The following OPCML variants were observed in gnomAD, a reference collection of about 807,000 sequenced individuals.
OPCML encodes the protein opioid-binding protein/cell adhesion molecule.
OPCML carries 13 observed loss-of-function variants against 37.8 expected under a neutral mutation model. The observed-to-expected ratio is 0.34, with a 90% CI of 0.22 to 0.55. OPCML has a LOEUF of 0.55. Ranked by LOEUF, OPCML falls within the 20% of genes least tolerant of loss-of-function variation. The pLI, the probability that OPCML is intolerant of heterozygous loss-of-function variation, is 0.91. For synonymous variants in OPCML, 176 were observed against 168.8 expected (o/e 1.04, Z -0.33); for missense variants, 341 against 435.6 (o/e 0.78, Z 1.93).
In OPCML at chr11:132,558,512, G is replaced by A. The variant is rs1241833241; in HGVS notation, c.380-29326C>T. On this transcript the variant is annotated intron_variant, in intron 3 of 7. Coordinates refer to ENST00000524381, the MANE Select transcript of OPCML (RefSeq NM_001012393.5). ...CCTCCTCCCCTCCTCCCCCCGCCCC[G>A]TTTTCTTCTTCTCTTCTTCTTCGTC... Among the ~76,000 whole-genome samples, 82 of 86,034 alleles carry A rather than the reference G, an allele frequency of 9.5e-4. 1 individual carries two copies. Among genetic ancestry groups the A allele is most frequent in the Non-Finnish European group, 1.6e-3 (75 of 46,366 alleles). 56.4% of individuals were successfully genotyped at this position (86,034 alleles called of 152,430 possible).
At chr11:133,028,493 T>C (rs185245520) in intron 1 of OPCML, among the ~76,000 whole-genome samples, 16 of 151,688 alleles carry the variant, frequency 1.1e-4, no homozygotes, top group African/African-American at 3.4e-4. Context: ...GTTTATTACA[T>C]GCACAAAGGT....
At chr11:133,084,711 C>A (rs1948793264) in intron 1 of OPCML, among the ~76,000 whole-genome samples, 1 of 152,172 alleles carries the variant, frequency 6.6e-6, no homozygotes, top group Admixed American at 6.5e-5. Context: ...CATGGGGTCT[C>A]CATGTCCTTC....
At chr11:133,191,464 G>T (rs1938309425) in intron 1 of OPCML, among the ~76,000 whole-genome samples, 1 of 151,878 alleles carries the variant, frequency 6.6e-6, no homozygotes, top group African/African-American at 2.4e-5. Context: ...CTACCTAAGA[G>T]TGAAAGTATT....
At chr11:132,694,580 G>T (rs1555175603) in intron 2 of OPCML, among the ~76,000 whole-genome samples, 1 of 152,176 alleles carries the variant, frequency 6.6e-6, no homozygotes, top group Non-Finnish European at 1.5e-5. Flanking sequence ...TATAAAAAAT[G>T]AACAACAACT....
At chr11:133,146,690 A>T (rs1327928049) in intron 1 of OPCML, among the ~76,000 whole-genome samples, 1 of 151,210 alleles carries the variant, frequency 6.6e-6, no homozygotes, top group Non-Finnish European at 1.5e-5. Context: ...TGAACTCCTG[A>T]CCTCAGGTGA....
intron 4 of OPCML, among the ~76,000 whole-genome samples, chr11:132,485,983 C>G (rs1436153564): frequency 1.3e-5 from 2 of 152,184 alleles, no homozygotes; most frequent in African/African-American, 2.4e-5. Context: ...AAAGTGCTCA[C>G]CCTGTTTTAA....
intron 1 of OPCML, among the ~76,000 whole-genome samples, chr11:133,440,742 A>G (rs927679956): frequency 1.7e-4 from 25 of 148,456 alleles, no homozygotes; most frequent in Non-Finnish European, 3.3e-4. Context: ...AAAAAAAAAA[A>G]AAACAGAAAC....
At chr11:132,555,365 A>C (rs1334983824) in intron 3 of OPCML, among the ~76,000 whole-genome samples, 4 of 152,128 alleles carry the variant, frequency 2.6e-5, no homozygotes, top group African/African-American at 9.7e-5. Flanking sequence ...GAAGCAGATG[A>C]GAGAGAATGA....
Position 132,594,208 on chromosome 11 carries a change from T to A in OPCML, c.379+62879A>T, listed in dbSNP as rs1420288862. 2.0e-5 allele frequency among the ~76,000 whole-genome samples: 3 copies of A among 152,088 alleles called. No individual in the cohort carries two copies. The East Asian group carries it at 5.8e-4, about 29-fold the overall frequency. The stretch of plus-strand genomic sequence containing the variant: ...TTACCCTTGAGATAAAAAGGCAGGT[T>A]AAAAAGAAAATACATAAGGTCATAA... On this transcript the variant is annotated intron_variant, in intron 3 of 7. Transcript: ENST00000524381.
intron 2 of OPCML, among the ~76,000 whole-genome samples, chr11:132,720,492 C>T (rs1350246086): frequency 1.3e-5 from 2 of 152,236 alleles, no homozygotes; most frequent in Non-Finnish European, 2.9e-5. Context: ...CAGTTAAAAA[C>T]TGCATTTGCC....
At chr11:133,515,392 TGGCATCTGGTGGCTGGA>T (rs1948244274) in intron 1 of OPCML, among the ~76,000 whole-genome samples, 1 of 152,214 alleles carries the variant, frequency 6.6e-6, no homozygotes, top group Non-Finnish European at 1.5e-5. Context: ...AAGGTGCCAC[TGGCATCTGGTGGCTGGA>T]GGCCAGGGAT....
At chr11:132,478,163 A>C (rs2096164009) in intron 4 of OPCML, among the ~76,000 whole-genome samples, 1 of 152,238 alleles carries the variant, frequency 6.6e-6, no homozygotes, top group Non-Finnish European at 1.5e-5. Context: ...GTATATAATA[A>C]ATTTGGCTGT....
intron 1 of OPCML, among the ~76,000 whole-genome samples, chr11:133,324,415 G>A (rs958810946): frequency 3.3e-5 from 5 of 152,124 alleles, no homozygotes; most frequent in Non-Finnish European, 7.4e-5. Context: ...CAGCCCAAGT[G>A]AAAAAATCAA....
At chr11:132,557,962 G>A (rs942084781) in intron 3 of OPCML, among the ~76,000 whole-genome samples, 7 of 152,012 alleles carry the variant, frequency 4.6e-5, no homozygotes, top group Non-Finnish European at 8.8e-5. Flanking sequence ...CTATCAGGTG[G>A]AACAAATGAG....
At chr11:132,861,731 A>G (rs1942308936) in intron 2 of OPCML, among the ~76,000 whole-genome samples, 1 of 151,438 alleles carries the variant, frequency 6.6e-6, no homozygotes, top group Non-Finnish European at 1.5e-5. Flanking sequence ...GCAACTCAGG[A>G]GGCTGAGGCA....
Position 133,336,721 on chromosome 11 carries a change from A to C in OPCML, c.61+195543T>G, listed in dbSNP as rs527570900. On this transcript the variant is annotated intron_variant, in intron 1 of 7. Transcript: ENST00000524381. ...GATTGCTGTTGCTATCAGAGGTTCT[A>C]CTTTTAGTGAATGTCCTTGCTCTTA... is the stretch of plus-strand genomic sequence containing the variant. 2.0e-5 allele frequency among the ~76,000 whole-genome samples: 3 copies of C among 152,330 alleles called. No individual in the cohort carries two copies. In the East Asian group the frequency reaches 5.8e-4, roughly 29 times the overall value.
chr11:132,883,077 T>A (rs547735447), intron 2 of OPCML, among the ~76,000 whole-genome samples: 7 of 152,106 alleles, frequency 4.6e-5, no homozygotes, highest in Non-Finnish European at 1.0e-4. Flanking sequence ...AACACCAAAA[T>A]GGTCCGATCT....
chr11:133,356,628 A>G (rs1166929608), intron 1 of OPCML, among the ~76,000 whole-genome samples: 2 of 152,156 alleles, frequency 1.3e-5, no homozygotes, highest in African/African-American at 4.8e-5. Context: ...GCACTTTTAG[A>G]CTTGAGAAAA....
intron 1 of OPCML, among the ~76,000 whole-genome samples, chr11:133,199,105 C>CG (rs1393661766): frequency 2.0e-5 from 3 of 151,920 alleles, no homozygotes; most frequent in Non-Finnish European, 4.4e-5. Flanking sequence ...CTGTAAACAA[C>CG]GGGGGGCTCT....
Sources: gnomAD v4.1 joint callset for allele counts (sites outside exome capture counted in the v4.1 genomes callset) on GRCh38, gnomAD v4.1.1 for gene constraint, MANE v1.5 for transcripts, NCBI Gene and HGNC (gene_info 2026-07-23, HGNC 2026-07-21) for gene names.